XKR9: variants seen among roughly 807,000 people sequenced by gnomAD.
The protein encoded by XKR9 is XK related 9.
A neutral mutation model predicts 32.0 loss-of-function variants in XKR9; 32 were observed. The observed-to-expected ratio is 1.00, with a 90% CI of 0.76 to 1.34. The LOEUF (loss-of-function observed/expected upper bound fraction) is 1.34, where lower values mean the gene tolerates loss of function less well. XKR9 is among the 40% of genes most tolerant of loss of function. The pLI, the probability that XKR9 is intolerant of heterozygous loss-of-function variation, is 0.00. For synonymous variants in XKR9, 168 were observed against 143.4 expected, an observed-to-expected ratio of 1.17 and a Z score of -1.22; for missense variants, 546 against 429.7, an observed-to-expected ratio of 1.27 and a Z score of -2.39.
At chr8:70,764,896 C>T (rs186335829) in intron 2 of XKR9, among the ~76,000 whole-genome samples, 41 of 152,278 alleles carry the variant, frequency 2.7e-4, no homozygotes, top group African/African-American at 9.1e-4. Context: ...CCAGCTTCAT[C>T]CATGTCCCTG....
the XKR9 span, among the ~76,000 whole-genome samples, chr8:71,063,659 A>G: frequency 2.0e-5 from 3 of 152,218 alleles, no homozygotes; most frequent in Non-Finnish European, 4.4e-5. Flanking sequence ...ACCAAAACCT[A>G]AAGAGAATGT....
chr8:70,811,985 C>T, the XKR9 span, among the ~76,000 whole-genome samples: 12 of 151,854 alleles, frequency 7.9e-5, no homozygotes, highest in South Asian at 2.1e-4. Flanking sequence ...AGAGACACAA[C>T]CAAAAAAGAG....
At chr8:71,060,129 C>T in the XKR9 span, among the ~76,000 whole-genome samples, 19 of 152,164 alleles carry the variant, frequency 1.2e-4, no homozygotes, top group Non-Finnish European at 2.5e-4. Context: ...CGCTCCATGA[C>T]TAGTTACATG....
intron 3 of XKR9, chr8:70,789,559 C>T (rs1392549061): frequency 3.3e-5 from 5 of 152,040 alleles, no homozygotes; most frequent in African/African-American, 1.2e-4. Flanking sequence ...GAGGAGGTAA[C>T]TATTAGCAAA....
chr8:70,804,409 A>T, the XKR9 span, among the ~76,000 whole-genome samples: 2 of 152,270 alleles, frequency 1.3e-5, no homozygotes, highest in Non-Finnish European at 2.9e-5. Flanking sequence ...AGTACAACTT[A>T]TAGATTCAAA....
rs1368718202 is a variant in XKR9 at position 70,699,321 on chromosome 8, C to T, written c.273-7612C>T. On this transcript the variant is annotated intron_variant, in intron 3 of 4. Transcript: ENST00000408926. ...GGCATGATTTTGCAGTGGCTGGTAC[C>T]GGTTGTTCCTTTCCATGTTTAGTGC... Among the ~76,000 whole-genome samples the T allele has an allele frequency of 3.9e-5, 6 of 152,082 alleles. No individual in the cohort carries two copies. The East Asian group carries it at 5.8e-4, about 15-fold the overall frequency.
the XKR9 span, among the ~76,000 whole-genome samples, chr8:70,889,378 TA>T: frequency 5.3e-5 from 8 of 151,960 alleles, no homozygotes; most frequent in South Asian, 1.7e-3. Context: ...TTTTCCTCTT[TA>T]TTTTTTAATT....
intron 2 of XKR9, among the ~76,000 whole-genome samples, chr8:70,759,075 A>T (rs905600507): frequency 6.6e-6 from 1 of 152,182 alleles, no homozygotes; most frequent in African/African-American, 2.4e-5. Flanking sequence ...CTTCTTTTTC[A>T]TGGCTGGTTA....
the XKR9 span, among the ~76,000 whole-genome samples, chr8:71,004,769 T>C: frequency 6.6e-6 from 1 of 152,148 alleles, no homozygotes; most frequent in Admixed American, 6.5e-5. Context: ...AGGTGGTAAA[T>C]ACTTACTGGG....
chr8:70,879,541 T>A, the XKR9 span, among the ~76,000 whole-genome samples: 1 of 152,048 alleles, frequency 6.6e-6, no homozygotes, highest in Non-Finnish European at 1.5e-5. Context: ...TTTATGCAAA[T>A]AAACTAGAAA....
intron 4 of XKR9, among the ~76,000 whole-genome samples, chr8:70,726,602 T>C (rs575818638): frequency 7.8e-4 from 119 of 152,294 alleles, no homozygotes; most frequent in African/African-American, 2.7e-3. Flanking sequence ...AAACATGGCT[T>C]TACCAGTATG....
the XKR9 span, among the ~76,000 whole-genome samples, chr8:70,822,009 G>C: frequency 6.6e-6 from 1 of 152,232 alleles, no homozygotes; most frequent in East Asian, 1.9e-4. Context: ...ATTGCATCTT[G>C]AGGCTGCAAA....
intron 3 of XKR9, among the ~76,000 whole-genome samples, chr8:70,696,946 T>C (rs1462160879): frequency 6.6e-5 from 10 of 150,756 alleles, no homozygotes; most frequent in Admixed American, 6.0e-4. Flanking sequence ...TTTGAAGCAA[T>C]TGTGAATGGG....
chr8:70,840,028 C>T, the XKR9 span, among the ~76,000 whole-genome samples: 1 of 152,126 alleles, frequency 6.6e-6, no homozygotes. Context: ...ATACACTCTC[C>T]TAAAGGTCAT....
At chr8:70,845,987 A>G in the XKR9 span, among the ~76,000 whole-genome samples, 282 of 152,310 alleles carry the variant, frequency 1.9e-3, 1 homozygote, top group African/African-American at 6.5e-3. Flanking sequence ...AAAGGCCTTC[A>G]CAGCACATTA....
intron 2 of XKR9, among the ~76,000 whole-genome samples, chr8:70,770,234 C>T (rs901659522): frequency 1.3e-5 from 2 of 152,160 alleles, no homozygotes; most frequent in East Asian, 1.9e-4. Context: ...GCTGGAGGTC[C>T]ACTCCAGACC....
the XKR9 span, among the ~76,000 whole-genome samples, chr8:71,015,894 A>G: frequency 1.9e-4 from 29 of 152,318 alleles, no homozygotes; most frequent in Admixed American, 1.8e-3. Context: ...ATACTTTACA[A>G]TGAAAGGCTG....
At chr8:70,739,714 C>T (rs1321104877), downstream of XKR9, among the ~76,000 whole-genome samples, 3 of 152,074 alleles carry the variant, frequency 2.0e-5, no homozygotes, top group African/African-American at 7.3e-5. Context: ...TTTTATTTCT[C>T]CTTCACTTAT....
At chr8:70,929,023 T>A in the XKR9 span, among the ~76,000 whole-genome samples, 3 of 152,178 alleles carry the variant, frequency 2.0e-5, no homozygotes, top group Non-Finnish European at 4.4e-5. Flanking sequence ...TGTGAGCATC[T>A]TGAAGGCTGA....
Sources: gnomAD v4.1 joint callset for allele counts (sites outside exome capture counted in the v4.1 genomes callset) on GRCh38, gnomAD v4.1.1 for gene constraint, MANE v1.5 for transcripts, NCBI Gene and HGNC (gene_info 2026-07-23, HGNC 2026-07-21) for gene names.